PYHIN1: variants seen among roughly 807,000 people sequenced by gnomAD.
PYHIN1 encodes the protein pyrin and HIN domain family member 1, also known as pyrin and HIN domain-containing protein 1.
In PYHIN1, 32 loss-of-function variants were observed where a neutral mutation model predicts 43.7. The observed-to-expected ratio is 0.73, with a 90% CI of 0.55 to 0.98. PYHIN1 has a LOEUF of 0.98. Among genes scored for constraint, PYHIN1 ranks in the 50% least tolerant of loss-of-function variants. The pLI is 0.00. For synonymous variants in PYHIN1, 205 were observed against 203.1 expected, an observed-to-expected ratio of 1.01 and a Z score of -0.08; for missense variants, 588 against 589.5, an observed-to-expected ratio of 1.00 and a Z score of 0.03.
chr1:158,939,384 T>C, intron 4 of PYHIN1, 137 bp downstream of exon 4: 1 of 1,588,664 alleles, frequency 6.3e-7, no homozygotes, highest in South Asian at 1.1e-5. Flanking sequence ...CACTGCATTT[T>C]AATCTTTTGC....
At chr1:158,966,873 A>G (rs1650664058) in intron 7 of PYHIN1, among the ~76,000 whole-genome samples, 1 of 152,140 alleles carries the variant, frequency 6.6e-6, no homozygotes, top group Non-Finnish European at 1.5e-5. Flanking sequence ...GGAATCAGGC[A>G]AGATAAAGAA....
intron 2 of PYHIN1, among the ~76,000 whole-genome samples, chr1:158,937,419 G>C (rs759101464): frequency 1.8e-4 from 28 of 152,196 alleles, no homozygotes; most frequent in Non-Finnish European, 3.4e-4. Flanking sequence ...GAGTTGAAGA[G>C]AGACTGAGAC....
chr1:158,934,358 C>T (rs1370025620), intron 1 of PYHIN1, among the ~76,000 whole-genome samples: 1 of 152,140 alleles, frequency 6.6e-6, no homozygotes, highest in African/African-American at 2.4e-5. Context: ...TCAAAACTTC[C>T]CATTTCTAAA....
At chr1:158,938,919 A>C (rs907470995) in intron 3 of PYHIN1, among the ~76,000 whole-genome samples, 161 bp from the exon 4 acceptor site, 1 of 152,220 alleles carries the variant, frequency 6.6e-6, no homozygotes, top group African/African-American at 2.4e-5. Flanking sequence ...CTTTTTAAAA[A>C]TGAAACCATC....
chr1:158,935,246 T>G (rs570686410), intron 1 of PYHIN1, among the ~76,000 whole-genome samples: 62 of 152,090 alleles, frequency 4.1e-4, no homozygotes, highest in African/African-American at 1.3e-3. Context: ...ATGAAAATGT[T>G]TTATACTTCT....
chr1:158,952,233 C>T (rs1046106002), intron 7 of PYHIN1, among the ~76,000 whole-genome samples: 3 of 151,874 alleles, frequency 2.0e-5, no homozygotes, highest in Non-Finnish European at 4.4e-5. Context: ...CTTCCTGTCG[C>T]AGCAGCTGTG....
Position 158,938,427 on chromosome 1 carries a change from A to G in PYHIN1, c.296A>G (p.Lys99Arg). The G allele has an allele frequency of 1.2e-6, 2 of 1,614,168 alleles. No homozygotes were observed. The highest frequency in any genetic ancestry group is 8.5e-7 in the Non-Finnish European group (1 of 1,179,992). Residue 99 changes from lysine (K) to arginine (R), a missense_variant, in exon 3 of 9, where the codon AAA becomes AGA. Coordinates refer to ENST00000368140, the MANE Select transcript of PYHIN1 (RefSeq NM_152501.5). The part of the protein sequence containing the change: ...VANKIESIPV[K>R]GIIPSKKTKQ... ...AATAAAATTGAATCCATTCCAGTCA[A>G]AGGAATAATCCCATCTAAAAAGACG... is the stretch of plus-strand genomic sequence containing the variant.
chr1:158,938,429 G>A lies in PYHIN1; in HGVS notation c.298G>A (p.Gly100Arg). The A allele has an allele frequency of 6.2e-7, 1 of 1,614,142 alleles. No individual in the cohort carries two copies. The highest frequency in any genetic ancestry group is 1.1e-5 in the South Asian group (1 of 91,080). ...TAAAATTGAATCCATTCCAGTCAAA[G>A]GAATAATCCCATCTAAAAAGACGAA... is the stretch of plus-strand genomic sequence containing the variant. ...ANKIESIPVK[G>R]IIPSKKTKQK... The change falls in exon 3 of 9, where the codon GGA becomes AGA. Residue 100 changes from glycine (G) to arginine (R), a missense_variant. Gly to Arg is a moderately radical substitution (Grantham distance 125). Coordinates refer to ENST00000368140, the MANE Select transcript of PYHIN1 (RefSeq NM_152501.5).
the PYHIN1 span, among the ~76,000 whole-genome samples, chr1:158,983,372 C>T: frequency 0.021 from 3,258 of 151,994 alleles, 128 homozygotes; most frequent in African/African-American, 0.075. Flanking sequence ...TTTATTGAAA[C>T]CTTTTCTGCA....
chr1:158,944,547 G>A (rs1183531318), intron 6 of PYHIN1, among the ~76,000 whole-genome samples: 1 of 152,154 alleles, frequency 6.6e-6, no homozygotes, highest in African/African-American at 2.4e-5. Flanking sequence ...GTACAACTTT[G>A]GCATATGTGG....
chr1:158,937,247 C>G, intron 2 of PYHIN1, 72 bp downstream of exon 2: 1 of 1,467,972 alleles, frequency 6.8e-7, no homozygotes, highest in African/African-American at 1.4e-5. Context: ...AGAACGCCAC[C>G]TTGGTCGTAG....
the PYHIN1 span, among the ~76,000 whole-genome samples, chr1:158,983,015 G>A: frequency 1.3e-5 from 2 of 152,118 alleles, no homozygotes; most frequent in African/African-American, 2.4e-5. Flanking sequence ...TGCTGAAGTT[G>A]TTTATAATTT....
chr1:158,954,036 A>G (rs1430862582), intron 7 of PYHIN1, among the ~76,000 whole-genome samples: 11 of 98,540 alleles, frequency 1.1e-4, no homozygotes, highest in South Asian at 4.2e-4. Flanking sequence ...TGAAGCGAGA[A>G]GGGAAGTTTA....
chr1:158,970,044 G>A (rs908995879), intron 7 of PYHIN1, among the ~76,000 whole-genome samples: 1 of 151,896 alleles, frequency 6.6e-6, no homozygotes, highest in East Asian at 1.9e-4. Flanking sequence ...ATTTGTGTAT[G>A]ATATAGGTTC....
At chr1:158,955,015 A>G (rs1330083551) in intron 7 of PYHIN1, among the ~76,000 whole-genome samples, 1 of 152,140 alleles carries the variant, frequency 6.6e-6, no homozygotes, top group Non-Finnish European at 1.5e-5. Flanking sequence ...AGGCCATTAC[A>G]TAATGATAAA....
rs183729315 is a variant in PYHIN1, at chr1:158,958,733, G to A, written c.1359+13691G>A. Among the ~76,000 whole-genome samples the A allele has an allele frequency of 2.5e-3, 359 of 141,506 alleles. 1 individual carries two copies. Among genetic ancestry groups the A allele is most frequent in the African/African-American group, 9.1e-3 (341 of 37,650 alleles). 92.8% of individuals were successfully genotyped at this position (141,506 alleles called of 152,430 possible). On this transcript the variant is annotated intron_variant, in intron 7 of 8. Coordinates refer to ENST00000368140, the MANE Select transcript of PYHIN1 (RefSeq NM_152501.5). ...TAACTAACCTGCACAATGTGGCCAT[G>A]TACCCTAAAACATAAAGTATAATAA...
intron 7 of PYHIN1, chr1:158,945,437 G>C (rs547996001): frequency 6.5e-6 from 1 of 154,930 alleles, no homozygotes; most frequent in Non-Finnish European, 1.4e-5. Context: ...ATAAATATTC[G>C]AAGTATATAT....
chr1:158,939,271 TG>T (rs1336278860), intron 4 of PYHIN1, 24 bp downstream of exon 4: 2 of 1,584,210 alleles, frequency 1.3e-6, no homozygotes, highest in African/African-American at 2.7e-5. Context: ...GGTCCCCTTT[TG>T]ATTCATTTTC....
chr1:158,939,008 C>T (rs986001127), intron 3 of PYHIN1, 72 bp from the exon 4 acceptor site: 1 of 1,145,110 alleles, frequency 8.7e-7, no homozygotes, highest in Admixed American at 2.9e-5. Flanking sequence ...AAATATATTA[C>T]CTTGTAATGA....
Sources: gnomAD v4.1 joint callset for allele counts (sites outside exome capture counted in the v4.1 genomes callset) on GRCh38, gnomAD v4.1.1 for gene constraint, MANE v1.5 for transcripts, NCBI Gene and HGNC (gene_info 2026-07-23, HGNC 2026-07-21) for gene names.